Variants in CACNA2D1 observed in about 807,000 individuals in gnomAD.
CACNA2D1 encodes voltage-dependent calcium channel subunit alpha-2/delta-1.
A neutral mutation model predicts 171.5 loss-of-function variants in CACNA2D1; 53 were observed. The observed-to-expected ratio is 0.31, with a 90% CI of 0.25 to 0.39. CACNA2D1 has a LOEUF of 0.39. Among genes scored for constraint, CACNA2D1 ranks in the 10% least tolerant of loss-of-function variants. CACNA2D1 has a pLI of 1.00. For synonymous variants in CACNA2D1, 442 were observed against 443.1 expected (o/e 1.00, Z 0.03); for missense variants, 903 against 1,299.8 (o/e 0.69, Z 4.69).
chr7:82,273,885 A>G (rs1221708215), intron 3 of CACNA2D1, among the ~76,000 whole-genome samples: 1 of 152,166 alleles, frequency 6.6e-6, no homozygotes, highest in Non-Finnish European at 1.5e-5. Context: ...AGAATTAAGA[A>G]TATGCTTCAT....
At chr7:82,163,536 A>G (rs1795150854) in intron 4 of CACNA2D1, among the ~76,000 whole-genome samples, 2 of 152,044 alleles carry the variant, frequency 1.3e-5, no homozygotes, top group African/African-American at 4.8e-5. Context: ...ACACAAAGAA[A>G]GGCACTTCTG....
At position 81,948,296 on chromosome 7, in the gene CACNA2D1, G is replaced by GT. The variant is rs1158483673; in HGVS notation, c.*2095dup. ...TAAAACATTGTTACTAGAGTGAGAA[G>GT]TTTTTTTCCCCACATATATTTTAAA... is the stretch of plus-strand genomic sequence containing the variant. On this transcript the variant is annotated 3_prime_UTR_variant, in exon 39 of 39. Coordinates refer to ENST00000356860, the MANE Select transcript of CACNA2D1 (RefSeq NM_000722.4). 1 of 151,736 alleles carries GT rather than the reference G, an allele frequency of 6.6e-6. No individual in the cohort carries two copies. Among genetic ancestry groups the GT allele is most frequent in the African/African-American group, 2.4e-5 (1 of 41,392 alleles). The allele number at this position is 151,736 out of a possible 1,614,324, so 9.4% of individuals were successfully genotyped here.
chr7:82,365,964 G>T (rs1172675528), intron 1 of CACNA2D1, among the ~76,000 whole-genome samples: 1 of 152,090 alleles, frequency 6.6e-6, no homozygotes, highest in Non-Finnish European at 1.5e-5. Flanking sequence ...TCTGACAGGG[G>T]GCCTCTTTAC....
chr7:82,077,545 T>C (rs1371744394), intron 7 of CACNA2D1, among the ~76,000 whole-genome samples: 2 of 152,264 alleles, frequency 1.3e-5, no homozygotes, highest in African/African-American at 2.4e-5. Flanking sequence ...TAACTCTGAT[T>C]GACATGAGTA....
chr7:82,392,443 C>G (rs188252364), intron 1 of CACNA2D1, among the ~76,000 whole-genome samples: 48 of 152,194 alleles, frequency 3.2e-4, no homozygotes, highest in Non-Finnish European at 5.6e-4. Context: ...TTCTCAGACG[C>G]GGGACAAGAA....
intron 6 of CACNA2D1, among the ~76,000 whole-genome samples, chr7:82,103,127 G>C (rs1812888390): frequency 1.3e-5 from 2 of 152,044 alleles, no homozygotes; most frequent in Admixed American, 1.3e-4. Flanking sequence ...GGCCAACATG[G>C]TGAAACCCCA....
intron 4 of CACNA2D1, among the ~76,000 whole-genome samples, chr7:82,144,969 A>G (rs986983706): frequency 5.9e-5 from 9 of 151,862 alleles, no homozygotes; most frequent in Non-Finnish European, 1.2e-4. Flanking sequence ...ATACGAATAA[A>G]TAAGCATTGA....
At chr7:82,210,046 C>A (rs974707618) in intron 3 of CACNA2D1, among the ~76,000 whole-genome samples, 1 of 152,114 alleles carries the variant, frequency 6.6e-6, no homozygotes, top group African/African-American at 2.4e-5. Flanking sequence ...ATTTTCTCAA[C>A]TTAAATATAA....
chr7:82,352,408 G>A (rs1023791182), intron 1 of CACNA2D1, among the ~76,000 whole-genome samples: 2 of 152,124 alleles, frequency 1.3e-5, no homozygotes, highest in African/African-American at 4.8e-5. Flanking sequence ...TAATCGCTAA[G>A]CACTGTTTTA....
intron 3 of CACNA2D1, among the ~76,000 whole-genome samples, chr7:82,227,996 C>G (rs1348039587): frequency 6.6e-6 from 1 of 152,098 alleles, no homozygotes. Context: ...TAACAATCCC[C>G]TACCCTAGAG....
At chr7:82,365,868 T>C (rs750978580) in intron 1 of CACNA2D1, among the ~76,000 whole-genome samples, 9 of 152,176 alleles carry the variant, frequency 5.9e-5, no homozygotes, top group Non-Finnish European at 1.2e-4. Context: ...TCCTAGTTAT[T>C]TTCTCCTGAA....
chr7:82,354,802 G>A (rs1349079188), intron 1 of CACNA2D1, among the ~76,000 whole-genome samples: 2 of 152,044 alleles, frequency 1.3e-5, no homozygotes, highest in East Asian at 3.9e-4. Context: ...AAGACATTCA[G>A]ATGAATGTGG....
intron 21 of CACNA2D1, among the ~76,000 whole-genome samples, chr7:81,985,290 C>T (rs1796852566): frequency 7.0e-6 from 1 of 142,792 alleles, no homozygotes; most frequent in Non-Finnish European, 1.5e-5. Flanking sequence ...CAGCCTAAAT[C>T]CCCTGGGCTC....
chr7:82,384,114 A>G (rs1563466523), intron 1 of CACNA2D1, among the ~76,000 whole-genome samples: 1 of 152,176 alleles, frequency 6.6e-6, no homozygotes, highest in Admixed American at 6.5e-5. Flanking sequence ...CATTTATCAC[A>G]TTTCATCTGA....
intron 3 of CACNA2D1, among the ~76,000 whole-genome samples, chr7:82,179,063 T>C (rs1018197556): frequency 2.0e-5 from 3 of 152,114 alleles, no homozygotes; most frequent in African/African-American, 4.8e-5. Context: ...GCTGTCCTCC[T>C]ACACGACAAG....
At chr7:82,193,273 T>C (rs1798525250) in intron 3 of CACNA2D1, among the ~76,000 whole-genome samples, 1 of 151,992 alleles carries the variant, frequency 6.6e-6, no homozygotes, top group Non-Finnish European at 1.5e-5. Flanking sequence ...ACAATGCACA[T>C]TTACAGATTA....
At chr7:82,065,648 TTGTC>T (rs1288155313) in intron 8 of CACNA2D1, among the ~76,000 whole-genome samples, 2 of 152,212 alleles carry the variant, frequency 1.3e-5, no homozygotes, top group African/African-American at 2.4e-5. Flanking sequence ...CTCTTGCAAT[TTGTC>T]TGAAGCCTAG....
chr7:82,066,527 A>AAT lies in CACNA2D1; in HGVS notation c.659-4_659-3insAT. ...ACTATTATCAACCCATGGTGAAGCT[A>AAT]AAAAAAAAAAAAAAAGAGAGATATT... On this transcript the variant is annotated splice_region_variant and splice_polypyrimidine_tract_variant and intron_variant, in intron 7 of 38. Coordinates refer to ENST00000356860, the MANE Select transcript of CACNA2D1 (RefSeq NM_000722.4). The AAT allele has an allele frequency of 7.8e-6, 1 of 127,736 alleles. No individual in the cohort carries two copies. The highest frequency in any genetic ancestry group is 1.8e-4 in the South Asian group (1 of 5,688). The allele number at this position is 127,736 out of a possible 1,614,324, so 7.9% of individuals were successfully genotyped here.
chr7:82,305,255 T>C (rs1813572635), intron 3 of CACNA2D1, among the ~76,000 whole-genome samples: 1 of 152,170 alleles, frequency 6.6e-6, no homozygotes. Context: ...ACAATGATTC[T>C]TAAAGTAAAT....
Sources: allele counts gnomAD v4.1 joint callset (sites outside exome capture counted in the v4.1 genomes callset), GRCh38; gene constraint gnomAD v4.1.1; transcripts MANE v1.5; gene names NCBI Gene and HGNC (gene_info 2026-07-23, HGNC 2026-07-21).